Variants in SPAM1 observed in about 807,000 individuals in gnomAD.
SPAM1 encodes the protein hyaluronidase PH-20.
Under a neutral mutation model 29.6 loss-of-function variants are expected in SPAM1, and 22 were observed. The observed-to-expected ratio is 0.74, with a 90% CI of 0.53 to 1.06. The LOEUF (loss-of-function observed/expected upper bound fraction) is 1.06, where lower values mean the gene tolerates loss of function less well. SPAM1 is among the 50% of genes least tolerant of loss of function. The pLI is 0.00. For missense variants in SPAM1, 534 were observed against 604.0 expected (o/e 0.88, Z 1.21); for synonymous variants, 194 against 204.6 (o/e 0.95, Z 0.44).
At chr7:123,967,434 T>G (rs1388442765) in intron 5 of SPAM1, among the ~76,000 whole-genome samples, 1 of 152,180 alleles carries the variant, frequency 6.6e-6, no homozygotes, top group Non-Finnish European at 1.5e-5. Context: ...TAAATTAATT[T>G]TGTGGTTATT....
At chr7:123,936,401 C>T (rs1015127695) in intron 1 of SPAM1, among the ~76,000 whole-genome samples, 5 of 152,154 alleles carry the variant, frequency 3.3e-5, no homozygotes, top group Non-Finnish European at 5.9e-5. Context: ...GAGTTAGCTC[C>T]TCATGGGGTC....
intron 1 of SPAM1, among the ~76,000 whole-genome samples, chr7:123,937,421 GA>G (rs375973839): frequency 2.0e-3 from 310 of 152,064 alleles, no homozygotes; most frequent in African/African-American, 7.0e-3. Context: ...ATAACATGGT[GA>G]AATCCCGTCT....
At chr7:123,970,698 A>C (rs1792487075) in intron 6 of SPAM1, among the ~76,000 whole-genome samples, 1 of 151,562 alleles carries the variant, frequency 6.6e-6, no homozygotes, top group Admixed American at 6.6e-5. Context: ...TAACAAAATC[A>C]GTACCCTTAG....
At position 123,959,860 on chromosome 7, in the gene SPAM1, A is replaced by G. The variant is rs1469751354; in HGVS notation, c.1421A>G (p.Glu474Gly). The G allele has an allele frequency of 1.9e-6, 3 of 1,613,094 alleles. No homozygotes were observed. The highest frequency in any genetic ancestry group is 2.5e-6 in the Non-Finnish European group (3 of 1,179,494). ...CIDAFLKPPMETEEPQIFYNA... is the reference protein window; with the variant it reads ...CIDAFLKPPMGTEEPQIFYNA... The stretch of plus-strand genomic sequence containing the variant: ...GATGCTTTTCTAAAACCTCCCATGG[A>G]GACAGAAGAACCTCAAATTTTCTAC... The change falls in exon 5 of 5, where the codon GAG (glutamate) becomes GGG (glycine). Residue 474 changes from glutamate to glycine, a missense_variant. Glu to Gly is a moderately conservative substitution (Grantham distance 98). Coordinates refer to ENST00000682466, the MANE Select transcript of SPAM1 (RefSeq NM_153189.3).
At position 123,953,543 on chromosome 7, in the gene SPAM1, A is replaced by T. The variant is rs200489469; in HGVS notation, c.-28A>T. On this transcript the variant is annotated 5_prime_UTR_variant, in exon 3 of 5. Transcript: ENST00000682466. The stretch of plus-strand genomic sequence containing the variant: ...AAACCAAAGTGTGTAGGAAGAAATA[A>T]ATGTTTTCATAGTCATTACTCTTTA... 6.9e-7 allele frequency: 1 copy of T among 1,443,964 alleles called. No individual in the cohort carries two copies. The highest frequency in any genetic ancestry group is 1.4e-5 in the African/African-American group (1 of 70,524). 89.4% of individuals were successfully genotyped at this position (1,443,964 alleles called of 1,614,324 possible).
At chr7:123,970,071 C>A in intron 5 of SPAM1, 1 of 870,712 alleles carries the variant, frequency 1.1e-6, no homozygotes, top group Admixed American at 3.0e-5. Context: ...GGTTCACTTT[C>A]TTTACATGGA....
downstream of SPAM1, among the ~76,000 whole-genome samples, chr7:123,962,217 TG>T (rs1026111792): frequency 6.6e-6 from 1 of 151,974 alleles, no homozygotes; most frequent in African/African-American, 2.4e-5. Flanking sequence ...CAATTCTAAC[TG>T]GGGTGAAGGA....
intron 1 of SPAM1, among the ~76,000 whole-genome samples, chr7:123,927,323 C>T (rs1226665583): frequency 6.6e-6 from 1 of 152,148 alleles, no homozygotes; most frequent in East Asian, 1.9e-4. Flanking sequence ...TTGGGTAAGC[C>T]AAGAGCTGGC....
chr7:123,930,940 G>A (rs1808060972), intron 1 of SPAM1, among the ~76,000 whole-genome samples: 1 of 152,132 alleles, frequency 6.6e-6, no homozygotes. Context: ...GTCCTTCGTA[G>A]CTAAGGAGTG....
intron 1 of SPAM1, chr7:123,932,358 C>T (rs895161530): frequency 6.6e-6 from 1 of 152,218 alleles, no homozygotes; most frequent in Non-Finnish European, 1.5e-5. Context: ...TCCTTACCCC[C>T]ATCTCTGCAT....
chr7:123,956,591 A>T (rs113318344), intron 4 of SPAM1, among the ~76,000 whole-genome samples: 109 of 152,114 alleles, frequency 7.2e-4, no homozygotes, highest in African/African-American at 2.4e-3. Context: ...GGATTTTGTG[A>T]ACCAGTTGTT....
chr7:123,960,955 T>G (rs989682372), downstream of SPAM1, among the ~76,000 whole-genome samples: 28 of 151,874 alleles, frequency 1.8e-4, no homozygotes, highest in African/African-American at 6.5e-4. Flanking sequence ...TATTATACAT[T>G]TTTAAGGTTG....
intron 1 of SPAM1, among the ~76,000 whole-genome samples, chr7:123,941,022 A>G (rs1808411066): frequency 6.6e-6 from 1 of 152,226 alleles, no homozygotes; most frequent in South Asian, 2.1e-4. Context: ...AGTTTACTGT[A>G]CAAATTGGAC....
intron 1 of SPAM1, among the ~76,000 whole-genome samples, chr7:123,934,607 T>A (rs1035001322): frequency 2.6e-5 from 4 of 151,274 alleles, no homozygotes; most frequent in African/African-American, 9.7e-5. Flanking sequence ...CATCAGTGGA[T>A]GAATGGATAA....
chr7:123,937,330 G>C (rs10232296), intron 1 of SPAM1, among the ~76,000 whole-genome samples: 10 of 151,984 alleles, frequency 6.6e-5, no homozygotes, highest in African/African-American at 1.5e-4. Flanking sequence ...GGCCGGGCGC[G>C]GTGGCTCACG....
intron 1 of SPAM1, chr7:123,932,580 AATG>A (rs1808120836): frequency 6.6e-6 from 1 of 152,378 alleles, no homozygotes; most frequent in South Asian, 2.1e-4. Flanking sequence ...ACTTGTATAA[AATG>A]ATGAACAGTA....
chr7:123,966,363 T>C (rs1792424622), intron 5 of SPAM1, among the ~76,000 whole-genome samples: 1 of 152,048 alleles, frequency 6.6e-6, no homozygotes, highest in Non-Finnish European at 1.5e-5. Context: ...ACAATGTGGC[T>C]ATTCCTCAAA....
In SPAM1 at chr7:123,953,885, C is replaced by A. The variant is rs1233419546; in HGVS notation, c.315C>A (p.Ile105=). Residue 105 remains isoleucine, a synonymous_variant, in exon 3 of 5, where the codon ATC becomes ATA. Transcript: ENST00000682466. The part of the protein sequence containing the change: ...RLGYYPYIDS[I]TGVTVNGGIP... The stretch of plus-strand genomic sequence containing the variant: ...GCTACTATCCTTACATAGATTCAAT[C>A]ACAGGAGTAACTGTGAATGGAGGAA... 6.2e-7 allele frequency: 1 copy of A among 1,613,722 alleles called. No homozygotes were observed. The highest frequency in any genetic ancestry group is 2.2e-5 in the East Asian group (1 of 44,846).
intron 4 of SPAM1, among the ~76,000 whole-genome samples, chr7:123,958,789 A>G (rs1792301071): frequency 6.6e-6 from 1 of 151,732 alleles, no homozygotes; most frequent in African/African-American, 2.4e-5. Context: ...CCAAGACTGC[A>G]CCACTGTACT....
Sources: allele counts gnomAD v4.1 joint callset (sites outside exome capture counted in the v4.1 genomes callset), GRCh38; gene constraint gnomAD v4.1.1; transcripts MANE v1.5; gene names NCBI Gene and HGNC (gene_info 2026-07-23, HGNC 2026-07-21).